The following HYAL4 variants were observed in gnomAD, a reference collection of about 807,000 sequenced individuals.
The protein encoded by HYAL4 is hyaluronidase-4.
HYAL4 carries 37 observed loss-of-function variants against 35.2 expected under a neutral mutation model. The observed-to-expected ratio is 1.05, with a 90% CI of 0.81 to 1.38. The LOEUF is 1.38. Ranked by LOEUF, HYAL4 falls within the 40% of genes most tolerant of loss-of-function variation. The pLI is 0.00. For missense variants in HYAL4, 572 were observed against 572.4 expected, an observed-to-expected ratio of 1.00 and a Z score of 0.01; for synonymous variants, 198 against 203.2, an observed-to-expected ratio of 0.97 and a Z score of 0.22.
chr7:123,825,600 A>G (rs1366649953), upstream of HYAL4, among the ~76,000 whole-genome samples: 1 of 152,128 alleles, frequency 6.6e-6, no homozygotes, highest in Non-Finnish European at 1.5e-5. Flanking sequence ...CACACCTAAT[A>G]GTTTTATGAT....
At chr7:123,860,231 G>A (rs531365042) in intron 2 of HYAL4, among the ~76,000 whole-genome samples, 1 of 152,262 alleles carries the variant, frequency 6.6e-6, no homozygotes, top group East Asian at 1.9e-4. Context: ...GGCTTCCCCT[G>A]CCATAGGGAA....
chr7:123,774,920 C>T, the HYAL4 span, among the ~76,000 whole-genome samples: 1 of 152,170 alleles, frequency 6.6e-6, no homozygotes, highest in Non-Finnish European at 1.5e-5. Flanking sequence ...GGTTAGGTAT[C>T]TCTTCTATGT....
chr7:123,836,489 C>A (rs891799840), intron 1 of HYAL4, among the ~76,000 whole-genome samples: 1 of 152,126 alleles, frequency 6.6e-6, no homozygotes, highest in African/African-American at 2.4e-5. Context: ...TTAGGTGAGT[C>A]CTGAAGGCAG....
chr7:123,838,689 A>C (rs1457597991), intron 1 of HYAL4, among the ~76,000 whole-genome samples: 3 of 152,120 alleles, frequency 2.0e-5, no homozygotes, highest in Non-Finnish European at 4.4e-5. Context: ...GGTCTCTAGC[A>C]AGGCTGGGGA....
At chr7:123,856,908 A>G (rs985470689) in intron 2 of HYAL4, among the ~76,000 whole-genome samples, 1 of 152,146 alleles carries the variant, frequency 6.6e-6, no homozygotes, top group Non-Finnish European at 1.5e-5. Flanking sequence ...CTAGAGAGGC[A>G]GTTTGGCTAC....
At chr7:123,799,883 G>A in the HYAL4 span, among the ~76,000 whole-genome samples, 1 of 152,156 alleles carries the variant, frequency 6.6e-6, no homozygotes, top group South Asian at 2.1e-4. Context: ...AGTCTTGCCT[G>A]GACTTGGTAG....
At chr7:123,777,855 C>T in the HYAL4 span, among the ~76,000 whole-genome samples, 1 of 150,904 alleles carries the variant, frequency 6.6e-6, no homozygotes, top group African/African-American at 2.4e-5. Context: ...ATTTTTCCAT[C>T]TCCTTGTTTT....
At chr7:123,827,735 TC>T (rs1805818466), upstream of HYAL4, among the ~76,000 whole-genome samples, 1 of 152,182 alleles carries the variant, frequency 6.6e-6, no homozygotes, top group African/African-American at 2.4e-5. Context: ...CTTATGACTT[TC>T]AATTTGAATC....
chr7:123,813,235 T>C, the HYAL4 span, among the ~76,000 whole-genome samples: 1 of 152,232 alleles, frequency 6.6e-6, no homozygotes, highest in Non-Finnish European at 1.5e-5. Context: ...TTTAAAAAAA[T>C]CCATACGATA....
At chr7:123,765,394 G>A in the HYAL4 span, among the ~76,000 whole-genome samples, 2 of 152,242 alleles carry the variant, frequency 1.3e-5, no homozygotes, top group Non-Finnish European at 2.9e-5. Flanking sequence ...CAAGTCAAGA[G>A]TTTAAAATGT....
the HYAL4 span, among the ~76,000 whole-genome samples, chr7:123,792,372 G>T: frequency 2.0e-5 from 3 of 152,346 alleles, no homozygotes; most frequent in East Asian, 5.8e-4. Context: ...CTCTGGTTCT[G>T]ATTCCTGGCT....
At chr7:123,830,875 G>C (rs1009835379) in intron 1 of HYAL4, among the ~76,000 whole-genome samples, 24 of 151,924 alleles carry the variant, frequency 1.6e-4, no homozygotes, top group African/African-American at 5.6e-4. Context: ...GATAGATCTT[G>C]GCTTTTCTAC....
At chr7:123,843,147 T>C (rs1049907211), upstream of HYAL4, among the ~76,000 whole-genome samples, 1 of 152,068 alleles carries the variant, frequency 6.6e-6, no homozygotes, top group Non-Finnish European at 1.5e-5. Context: ...CGGTTGTTTC[T>C]TTCCATGTTT....
At chr7:123,830,023 A>G (rs1255912403) in intron 1 of HYAL4, among the ~76,000 whole-genome samples, 1 of 152,204 alleles carries the variant, frequency 6.6e-6, no homozygotes, top group Non-Finnish European at 1.5e-5. Context: ...ATCCGAGGAA[A>G]TGCATTCTTG....
chr7:123,805,360 C>T, the HYAL4 span, among the ~76,000 whole-genome samples: 2 of 151,998 alleles, frequency 1.3e-5, no homozygotes, highest in South Asian at 4.2e-4. Context: ...CTTTTCCTTT[C>T]CAATTCTTAT....
intron 1 of HYAL4, among the ~76,000 whole-genome samples, chr7:123,845,961 C>T (rs1806165209): frequency 6.6e-6 from 1 of 152,198 alleles, no homozygotes; most frequent in Non-Finnish European, 1.5e-5. Flanking sequence ...AGGCTTCAGG[C>T]TGGCACTGAG....
the HYAL4 span, among the ~76,000 whole-genome samples, chr7:123,778,159 G>GCCTATCTA: frequency 2.5e-5 from 3 of 120,824 alleles, no homozygotes; most frequent in African/African-American, 8.3e-5. Flanking sequence ...CTGTCTGTCT[G>GCCTATCTA]TCTATCTATC....
chr7:123,800,495 A>T, the HYAL4 span, among the ~76,000 whole-genome samples: 4 of 149,272 alleles, frequency 2.7e-5, no homozygotes, highest in African/African-American at 7.5e-5. Context: ...AAAAAAAAAA[A>T]TTAAAAAAAA....
intron 2 of HYAL4, among the ~76,000 whole-genome samples, chr7:123,856,836 A>G (rs1446500193): frequency 2.0e-5 from 3 of 152,172 alleles, no homozygotes; most frequent in Non-Finnish European, 4.4e-5. Flanking sequence ...AGTTTTATCT[A>G]TAAGCCCCTG....
Sources: gnomAD v4.1 joint callset for allele counts (sites outside exome capture counted in the v4.1 genomes callset) on GRCh38, gnomAD v4.1.1 for gene constraint, MANE v1.5 for transcripts, NCBI Gene and HGNC (gene_info 2026-07-23, HGNC 2026-07-21) for gene names.